The following TENM3 variants were observed in gnomAD, a reference collection of about 807,000 sequenced individuals.
The protein encoded by TENM3 is teneurin transmembrane protein 3, also known as teneurin-3.
Under a neutral mutation model 255.1 loss-of-function variants are expected in TENM3, and 63 were observed. That is an observed-to-expected ratio of 0.25 (90% confidence interval 0.20 to 0.30). The LOEUF is 0.30. Ranked by LOEUF, TENM3 falls within the 10% of genes least tolerant of loss-of-function variation. The probability of loss-of-function intolerance (pLI) is 1.00; values close to 1 mark genes in which losing one functional copy is unlikely to be tolerated. For missense variants in TENM3, 2,929 were observed against 3,461.1 expected (o/e 0.85, Z 3.86); for synonymous variants, 1,306 against 1,322.3 (o/e 0.99, Z 0.27).
the TENM3 span, among the ~76,000 whole-genome samples, chr4:182,044,415 T>G: frequency 6.6e-6 from 1 of 152,228 alleles, no homozygotes; most frequent in Non-Finnish European, 1.5e-5. Context: ...TGATTATGAA[T>G]ACACTTTATA....
chr4:182,761,501 A>G (rs1763191196), intron 22 of TENM3, among the ~76,000 whole-genome samples: 1 of 152,160 alleles, frequency 6.6e-6, no homozygotes, highest in South Asian at 2.1e-4. Flanking sequence ...AGCATCTGCC[A>G]TCCAACCCTA....
the TENM3 span, among the ~76,000 whole-genome samples, chr4:181,909,689 T>A: frequency 6.6e-6 from 1 of 152,090 alleles, no homozygotes; most frequent in East Asian, 1.9e-4. Context: ...AGAGCTGCCT[T>A]CCAATCCTTT....
At chr4:181,926,137 T>G in the TENM3 span, among the ~76,000 whole-genome samples, 1 of 152,224 alleles carries the variant, frequency 6.6e-6, no homozygotes. Flanking sequence ...TAAAATTCAG[T>G]ATCTTTTAAA....
At chr4:182,079,623 C>G in the TENM3 span, 1 of 152,128 alleles carries the variant, frequency 6.6e-6, no homozygotes, top group Admixed American at 6.5e-5. Flanking sequence ...AATAAGCAAC[C>G]AGGACTATAT....
the TENM3 span, among the ~76,000 whole-genome samples, chr4:181,915,598 G>A: frequency 6.7e-6 from 1 of 149,520 alleles, no homozygotes; most frequent in East Asian, 2.0e-4. Context: ...AACGAAGAAG[G>A]CAGGATAGGC....
chr4:181,832,380 G>T, the TENM3 span, among the ~76,000 whole-genome samples: 5 of 152,140 alleles, frequency 3.3e-5, no homozygotes, highest in African/African-American at 4.8e-5. Context: ...TTGTTTCCCT[G>T]CTACAGAACC....
intron 3 of TENM3, among the ~76,000 whole-genome samples, chr4:182,498,759 G>A (rs562274564): frequency 3.3e-5 from 5 of 152,254 alleles, no homozygotes; most frequent in African/African-American, 1.2e-4. Flanking sequence ...AGAGGCTGAG[G>A]CAGGAGAGTT....
intron 4 of TENM3, among the ~76,000 whole-genome samples, chr4:182,611,237 G>A (rs1372643422): frequency 6.6e-6 from 1 of 151,928 alleles, no homozygotes; most frequent in Non-Finnish European, 1.5e-5. Context: ...CCAAATATGT[G>A]TATTTATTAA....
At chr4:181,699,051 A>C in the TENM3 span, among the ~76,000 whole-genome samples, 1 of 152,178 alleles carries the variant, frequency 6.6e-6, no homozygotes, top group African/African-American at 2.4e-5. Flanking sequence ...TAAAGTTTAC[A>C]GTGTCAATTT....
chr4:181,802,129 C>A, the TENM3 span, among the ~76,000 whole-genome samples: 1 of 152,110 alleles, frequency 6.6e-6, no homozygotes, highest in Non-Finnish European at 1.5e-5. Context: ...TTTCATTGAT[C>A]GCAGTTTAAC....
chr4:182,463,261 A>T (rs1270463865), intron 3 of TENM3, among the ~76,000 whole-genome samples: 1 of 152,214 alleles, frequency 6.6e-6, no homozygotes, highest in African/African-American at 2.4e-5. Context: ...AAGAAAAAAA[A>T]AACTCGGTGT....
chr4:182,285,236 T>C (rs1760658541), intron 1 of TENM3, among the ~76,000 whole-genome samples: 1 of 152,096 alleles, frequency 6.6e-6, no homozygotes, highest in South Asian at 2.1e-4. Flanking sequence ...AAATTCAGTA[T>C]ACCTAGGTTA....
chr4:181,834,055 T>C, the TENM3 span, among the ~76,000 whole-genome samples: 1 of 152,062 alleles, frequency 6.6e-6, no homozygotes, highest in African/African-American at 2.4e-5. Flanking sequence ...TTGACGTGCA[T>C]TTTAGATTCA....
chr4:182,000,033 A>T, the TENM3 span, among the ~76,000 whole-genome samples: 1 of 152,306 alleles, frequency 6.6e-6, no homozygotes, highest in Non-Finnish European at 1.5e-5. Context: ...GAAAATTATC[A>T]ATAGACTTCA....
chr4:182,239,033 A>G (rs72696075), upstream of TENM3, among the ~76,000 whole-genome samples: 6,591 of 140,212 alleles, frequency 0.047, 301 homozygotes, highest in Middle Eastern at 0.058. Context: ...AAAAATCTTT[A>G]TGTGTGTGTG....
At position 182,349,896 on chromosome 4, in the gene TENM3, A is replaced by C. The variant is rs1216607727; in HGVS notation, c.511+2967A>C. 5.0e-5 allele frequency: 16 copies of C among 318,084 alleles called. No individual in the cohort carries two copies. In the Admixed American group the frequency reaches 6.9e-4, roughly 14 times the overall value. The allele number at this position is 318,084 out of a possible 1,614,324, so 19.7% of individuals were successfully genotyped here. ...ATCACTAAAGGTTGAAAAGAGAAGGAGATGGATGAAATAACTCACCAAAAG... is the reference window on the plus strand; with the variant it reads ...ATCACTAAAGGTTGAAAAGAGAAGGCGATGGATGAAATAACTCACCAAAAG... On this transcript the variant is annotated intron_variant, in intron 3 of 27. Coordinates refer to ENST00000511685, the MANE Select transcript of TENM3 (RefSeq NM_001080477.4).
chr4:181,702,321 T>C, the TENM3 span, among the ~76,000 whole-genome samples: 14 of 152,120 alleles, frequency 9.2e-5, no homozygotes, highest in Non-Finnish European at 1.9e-4. Context: ...ATAAATAAAA[T>C]GGAAGAATTC....
chr4:181,754,320 A>ACACG, the TENM3 span, among the ~76,000 whole-genome samples: 1 of 151,762 alleles, frequency 6.6e-6, no homozygotes, highest in Non-Finnish European at 1.5e-5. Context: ...ACACACACAC[A>ACACG]CAGACAATCA....
At chr4:182,146,444 G>A (rs1274153821) in intron 1 of TENM3, among the ~76,000 whole-genome samples, 1 of 152,064 alleles carries the variant, frequency 6.6e-6, no homozygotes, top group East Asian at 1.9e-4. Context: ...TTCAAAGATA[G>A]GAGTTTATAA....
Sources: allele counts gnomAD v4.1 joint callset (sites outside exome capture counted in the v4.1 genomes callset), GRCh38; gene constraint gnomAD v4.1.1; transcripts MANE v1.5; gene names NCBI Gene and HGNC (gene_info 2026-07-23, HGNC 2026-07-21).